DOCK2: variants seen among roughly 807,000 people sequenced by gnomAD.
DOCK2 encodes the protein dedicator of cytokinesis 2, also known as dedicator of cytokinesis protein 2.
In DOCK2, 87 loss-of-function variants were observed where a neutral mutation model predicts 248.9. That is an observed-to-expected ratio of 0.35 (90% CI 0.29 to 0.42). The LOEUF is 0.42. DOCK2 is among the 10% of genes least tolerant of loss of function. The probability of loss-of-function intolerance (pLI) is 1.00; values close to 1 mark genes in which losing one functional copy is unlikely to be tolerated. For synonymous variants in DOCK2, 805 were observed against 821.6 expected (o/e 0.98, Z 0.35); for missense variants, 1,747 against 2,300.2 (o/e 0.76, Z 4.92).
At position 170,052,614 on chromosome 5, in the gene DOCK2, A is replaced by G. The variant is rs546029153; in HGVS notation, c.4213+2217A>G. ...GCAGAGATGTAAAGTGGTTTGCCTA[A>G]GGTTACAAAGCTAGTTAGTGATGGA... On this transcript the variant is annotated intron_variant, in intron 41 of 51. Coordinates refer to ENST00000520908, the MANE Select transcript of DOCK2 (RefSeq NM_004946.3). Among the ~76,000 whole-genome samples the G allele has an allele frequency of 2.0e-5, 3 of 152,324 alleles. No individual in the cohort carries two copies. The East Asian group carries it at 5.8e-4, about 29-fold the overall frequency.
At chr5:169,862,352 T>C (rs1339520890) in intron 27 of DOCK2, among the ~76,000 whole-genome samples, 2 of 152,230 alleles carry the variant, frequency 1.3e-5, no homozygotes, top group Admixed American at 1.3e-4. Context: ...TAAATTCACA[T>C]GAAATTAGCG....
At chr5:169,868,798 A>G (rs944769431) in intron 27 of DOCK2, among the ~76,000 whole-genome samples, 5 of 152,140 alleles carry the variant, frequency 3.3e-5, no homozygotes, top group African/African-American at 1.2e-4. Flanking sequence ...ATGATTCTAG[A>G]ATGTGTATGG....
chr5:169,716,405 T>A, intron 20 of DOCK2, 103 bp downstream of exon 20: 2 of 1,146,060 alleles, frequency 1.7e-6, no homozygotes, highest in Non-Finnish European at 2.5e-6. Context: ...ATGGCCTTTT[T>A]CATGAATTCT....
At chr5:169,800,953 T>C (rs1766935968) in intron 25 of DOCK2, among the ~76,000 whole-genome samples, 3 of 81,156 alleles carry the variant, frequency 3.7e-5, no homozygotes, top group African/African-American at 1.3e-4. Context: ...TCTTTTTTTT[T>C]TTTTTTTTTT....
At chr5:169,692,763 G>C (rs890096893) in intron 9 of DOCK2, among the ~76,000 whole-genome samples, 1 of 152,158 alleles carries the variant, frequency 6.6e-6, no homozygotes, top group Non-Finnish European at 1.5e-5. Context: ...CTGAGATTAA[G>C]GTGTTGGCAG....
At chr5:170,026,973 C>T (rs1271129367) in intron 33 of DOCK2, among the ~76,000 whole-genome samples, 3 of 152,082 alleles carry the variant, frequency 2.0e-5, no homozygotes, top group Admixed American at 6.6e-5. Context: ...CAGATGAGCT[C>T]ATATGAATGG....
At position 169,861,632 on chromosome 5, in the gene DOCK2, C is replaced by T. The variant is rs13354841; in HGVS notation, c.2799+20780C>T. On this transcript the variant is annotated intron_variant, in intron 27 of 51. Transcript: ENST00000520908. ...CTGTAGAATATCATGGTAGATGTTACGTAATATTTTACAAAGAAGCAGTGA... is the reference window on the plus strand; with the variant it reads ...CTGTAGAATATCATGGTAGATGTTATGTAATATTTTACAAAGAAGCAGTGA... Among the ~76,000 whole-genome samples the T allele has an allele frequency of 2.5e-3, 374 of 152,214 alleles. 3 individuals carry two copies. The highest frequency in any genetic ancestry group is 8.6e-3 in the African/African-American group (359 of 41,528).
chr5:169,952,780 A>T (rs1022530068), intron 27 of DOCK2, among the ~76,000 whole-genome samples: 1 of 152,200 alleles, frequency 6.6e-6, no homozygotes, highest in African/African-American at 2.4e-5. Flanking sequence ...GTTTCAATCC[A>T]GGGTACAGAG....
At chr5:169,706,381 G>A (rs763173298) in intron 14 of DOCK2, among the ~76,000 whole-genome samples, 7 of 152,240 alleles carry the variant, frequency 4.6e-5, no homozygotes, top group African/African-American at 1.4e-4. Flanking sequence ...AACACTGGAT[G>A]AGTATTTAGA....
intron 26 of DOCK2, among the ~76,000 whole-genome samples, chr5:169,822,398 C>T (rs1768514564): frequency 6.6e-6 from 1 of 152,140 alleles, no homozygotes; most frequent in Admixed American, 6.5e-5. Flanking sequence ...TGTAAAAGAA[C>T]AGCAATTATA....
At chr5:169,894,563 AGG>A (rs200147973) in intron 27 of DOCK2, among the ~76,000 whole-genome samples, 1 of 152,180 alleles carries the variant, frequency 6.6e-6, no homozygotes. Context: ...GGGGAAGAGA[AGG>A]GGGGAAGTTT....
chr5:169,887,728 T>C (rs534414755), intron 27 of DOCK2, among the ~76,000 whole-genome samples: 1 of 152,348 alleles, frequency 6.6e-6, no homozygotes, highest in Admixed American at 6.5e-5. Context: ...ATTATCTTCT[T>C]GAAATAAATG....
intron 27 of DOCK2, among the ~76,000 whole-genome samples, chr5:169,854,060 T>C (rs918576278): frequency 6.6e-6 from 1 of 151,732 alleles, no homozygotes; most frequent in Admixed American, 6.6e-5. Flanking sequence ...CCTGACCTCG[T>C]GATCCGCCCA....
chr5:169,987,253 A>G (rs1297690768), intron 29 of DOCK2, among the ~76,000 whole-genome samples: 1 of 152,226 alleles, frequency 6.6e-6, no homozygotes. Context: ...TACAGAAAAA[A>G]TCCTGAGGCC....
intron 22 of DOCK2, among the ~76,000 whole-genome samples, chr5:169,746,922 G>T (rs1763645260): frequency 6.6e-6 from 1 of 152,196 alleles, no homozygotes; most frequent in South Asian, 2.1e-4. Context: ...CTGAAATGAA[G>T]GAAGGGAAAG....
intron 27 of DOCK2, among the ~76,000 whole-genome samples, chr5:169,935,585 G>A (rs189086615): frequency 2.0e-4 from 30 of 152,316 alleles, no homozygotes; most frequent in African/African-American, 7.2e-4. Flanking sequence ...TGGTGGAGAA[G>A]TCGGAGTTTT....
chr5:169,996,525 T>C (rs1754640759), intron 30 of DOCK2, among the ~76,000 whole-genome samples: 1 of 152,168 alleles, frequency 6.6e-6, no homozygotes, highest in Non-Finnish European at 1.5e-5. Flanking sequence ...CAATGAAAAA[T>C]GATTTACAAT....
chr5:169,975,815 G>A (rs1394066233), intron 27 of DOCK2, among the ~76,000 whole-genome samples: 1 of 152,172 alleles, frequency 6.6e-6, no homozygotes, highest in African/African-American at 2.4e-5. Context: ...GGGGATGTGA[G>A]CTTCTTAAGA....
At chr5:169,948,793 ACACC>A (rs1776546335) in intron 27 of DOCK2, among the ~76,000 whole-genome samples, 1 of 150,944 alleles carries the variant, frequency 6.6e-6, no homozygotes, top group African/African-American at 2.4e-5. Context: ...CTACTTTCTG[ACACC>A]CACTCAGGGC....
Sources: gnomAD v4.1 joint callset for allele counts (sites outside exome capture counted in the v4.1 genomes callset) on GRCh38, gnomAD v4.1.1 for gene constraint, MANE v1.5 for transcripts, NCBI Gene and HGNC (gene_info 2026-07-23, HGNC 2026-07-21) for gene names.